Variants in MYO5B observed in about 807,000 individuals in gnomAD.
The protein encoded by MYO5B is myosin VB, also known as unconventional myosin-Vb.
In MYO5B, 143 loss-of-function variants were observed where a neutral mutation model predicts 229.3. That is an observed-to-expected ratio of 0.62 (90% CI 0.54 to 0.72). The LOEUF is 0.72. Ranked by LOEUF, MYO5B falls within the 30% of genes least tolerant of loss-of-function variation. The pLI, the probability that MYO5B is intolerant of heterozygous loss-of-function variation, is 0.00. For synonymous variants in MYO5B, 918 were observed against 885.2 expected, an observed-to-expected ratio of 1.04 and a Z score of -0.66; for missense variants, 2,321 against 2,331.0, an observed-to-expected ratio of 1.00 and a Z score of 0.09.
At chr18:49,830,950 C>G (rs28767292) in intron 39 of MYO5B, among the ~76,000 whole-genome samples, 2 of 146,962 alleles carry the variant, frequency 1.4e-5, no homozygotes. Flanking sequence ...GACAGACATA[C>G]AGACCAATAG....
At chr18:50,188,507 T>C (rs1178341010) in intron 1 of MYO5B, among the ~76,000 whole-genome samples, 3 of 152,130 alleles carry the variant, frequency 2.0e-5, no homozygotes, top group Non-Finnish European at 4.4e-5. Context: ...TTCTCCAGAA[T>C]CTCAGCCTAC....
At chr18:49,843,852 T>C (rs939734465) in intron 33 of MYO5B, among the ~76,000 whole-genome samples, 1 of 152,076 alleles carries the variant, frequency 6.6e-6, no homozygotes, top group Non-Finnish European at 1.5e-5. Context: ...ATTAGACAAA[T>C]TGTATGTGCC....
chr18:49,831,814 C>T (rs1379346736), intron 39 of MYO5B, among the ~76,000 whole-genome samples: 3 of 152,282 alleles, frequency 2.0e-5, no homozygotes, highest in South Asian at 2.1e-4. Context: ...ATGTTCATAG[C>T]GGCATGATTC....
chr18:50,100,929 T>C (rs59865407), intron 1 of MYO5B, among the ~76,000 whole-genome samples: 21,674 of 152,112 alleles, frequency 0.14, 1,625 homozygotes, highest in East Asian at 0.23. Context: ...CTTGGGCCAA[T>C]GAAAACCTAG....
chr18:49,936,630 G>A (rs897461245), intron 15 of MYO5B, among the ~76,000 whole-genome samples: 6 of 152,124 alleles, frequency 3.9e-5, no homozygotes, highest in African/African-American at 1.2e-4. Flanking sequence ...CAAATAAGAT[G>A]AAAGGTGGGC....
intron 12 of MYO5B, among the ~76,000 whole-genome samples, chr18:49,957,087 A>C (rs1044627114): frequency 1.4e-5 from 2 of 146,700 alleles, no homozygotes; most frequent in South Asian, 4.3e-4. Context: ...ATCTCATTAA[A>C]GCTGTTAAAA....
At chr18:50,017,977 G>A (rs2026234212) in intron 4 of MYO5B, among the ~76,000 whole-genome samples, 1 of 152,126 alleles carries the variant, frequency 6.6e-6, no homozygotes, top group Non-Finnish European at 1.5e-5. Context: ...ATGATTATTT[G>A]GGTAGTTGTT....
chr18:50,032,848 G>A (rs1254138104), intron 4 of MYO5B, among the ~76,000 whole-genome samples: 3 of 152,126 alleles, frequency 2.0e-5, no homozygotes, highest in Non-Finnish European at 2.9e-5. Context: ...TTAGCTGGGT[G>A]TGGTGGCAGG....
chr18:50,065,066 C>T (rs2030785367), intron 1 of MYO5B, among the ~76,000 whole-genome samples: 1 of 152,214 alleles, frequency 6.6e-6, no homozygotes, highest in South Asian at 2.1e-4. Context: ...ATCTGGGACT[C>T]AAGCGAGCTC....
At chr18:49,980,301 A>T in intron 9 of MYO5B, 143 bp downstream of exon 9, 1 of 740,416 alleles carries the variant, frequency 1.4e-6, no homozygotes, top group Non-Finnish European at 2.4e-6. Context: ...CTTTTAAAAA[A>T]TTATCAGCAA....
At chr18:50,174,668 G>T (rs1232263172) in intron 1 of MYO5B, among the ~76,000 whole-genome samples, 1 of 151,848 alleles carries the variant, frequency 6.6e-6, no homozygotes, top group Admixed American at 6.5e-5. Context: ...GCCAGCCATC[G>T]TGAGTTCCTT....
chr18:49,850,082 G>A, intron 31 of MYO5B: 1 of 310,280 alleles, frequency 3.2e-6, no homozygotes, highest in Non-Finnish European at 6.3e-6. Context: ...GAGCAAGTGG[G>A]CAAGTGAGAT....
At chr18:50,035,650 G>A (rs2026440289) in intron 4 of MYO5B, among the ~76,000 whole-genome samples, 1 of 152,212 alleles carries the variant, frequency 6.6e-6, no homozygotes, top group African/African-American at 2.4e-5. Flanking sequence ...TCAATGAGTT[G>A]CCAAGCTAAG....
chr18:50,131,292 G>A (rs1177837160), intron 1 of MYO5B, among the ~76,000 whole-genome samples: 2 of 152,190 alleles, frequency 1.3e-5, no homozygotes, highest in African/African-American at 4.8e-5. Flanking sequence ...CTGGCCTTTT[G>A]TTGCCAGACT....
Position 49,904,807 on chromosome 18 carries a change from C to T in MYO5B, c.2436G>A (p.Arg812=). The change falls in exon 20 of 40, where the codon AGG becomes AGA. Residue 812 remains arginine, a synonymous_variant. Transcript: ENST00000285039. The stretch of plus-strand genomic sequence containing the variant: ...TCTGGAGCACCACAGCCGCTCTGAT[C>T]CTCCGCAGGTGCTCAGCCAGCCTGG... ...LARRLAEHLR[R]IRAAVVLQKH... 6.2e-7 allele frequency: 1 copy of T among 1,613,942 alleles called. No homozygotes were observed.
At chr18:49,910,073 G>A (rs1230401880) in intron 18 of MYO5B, among the ~76,000 whole-genome samples, 1 of 152,228 alleles carries the variant, frequency 6.6e-6, no homozygotes, top group East Asian at 1.9e-4. Flanking sequence ...ATGGGAAGCA[G>A]GAGGGAGAAG....
At chr18:49,869,321 G>C (rs72642498) in intron 27 of MYO5B, among the ~76,000 whole-genome samples, 5 of 151,986 alleles carry the variant, frequency 3.3e-5, no homozygotes, top group Non-Finnish European at 7.4e-5. Context: ...TCTGGGCTGG[G>C]CCTGGTTGAG....
intron 2 of MYO5B, among the ~76,000 whole-genome samples, chr18:50,049,861 C>T (rs2030344873): frequency 6.7e-6 from 1 of 149,660 alleles, no homozygotes; most frequent in South Asian, 2.1e-4. Context: ...ATTAGAGCTT[C>T]AAGGGTACTC....
At chr18:50,132,958 A>C (rs1425403996) in intron 1 of MYO5B, among the ~76,000 whole-genome samples, 1 of 152,198 alleles carries the variant, frequency 6.6e-6, no homozygotes, top group African/African-American at 2.4e-5. Context: ...TCTTAATTTA[A>C]ATCAGTGGGA....
Sources: gnomAD v4.1 joint callset for allele counts (sites outside exome capture counted in the v4.1 genomes callset) on GRCh38, gnomAD v4.1.1 for gene constraint, MANE v1.5 for transcripts, NCBI Gene and HGNC (gene_info 2026-07-23, HGNC 2026-07-21) for gene names.